FCHSD1: variants seen among roughly 807,000 people sequenced by gnomAD.
FCHSD1 encodes FCH and double SH3 domains 1.
FCHSD1 carries 109 observed loss-of-function variants against 101.3 expected under a neutral mutation model. The observed-to-expected ratio is 1.08, with a 90% CI of 0.92 to 1.26. The LOEUF (loss-of-function observed/expected upper bound fraction) is 1.26. Among genes scored for constraint, FCHSD1 ranks in the 50% most tolerant of loss-of-function variants. FCHSD1 has a pLI of 0.00. For synonymous variants in FCHSD1, 291 were observed against 356.8 expected (o/e 0.82, Z 2.08); for missense variants, 820 against 895.8 (o/e 0.92, Z 1.08).
Position 141,646,656 on chromosome 5 carries a change from G to A in FCHSD1, c.991C>T (p.Arg331Cys), listed in dbSNP as rs372866853. The A allele has an allele frequency of 5.3e-5, 86 of 1,613,066 alleles. No homozygotes were observed. The highest frequency in any genetic ancestry group is 5.0e-4 in the Middle Eastern group (3 of 6,050). ...TCACGGGCAGCTCGGCTGGTCAAGC[G>A]CTGAACCTCTTTCTCCAGGCCACTC... ...GKSGLEKEVQ[R>C]LTSRAARDYK... The change falls in exon 11 of 20, where the codon CGC becomes TGC. Residue 331 changes from arginine (R) to cysteine (C), a missense_variant. Arg to Cys is a radical substitution (Grantham distance 180, BLOSUM62 -3). Transcript: ENST00000435817.
In FCHSD1 at chr5:141,643,057, G is replaced by A; in HGVS notation, c.1895C>T (p.Ser632Phe). 2 of 1,531,698 alleles carry A rather than the reference G, an allele frequency of 1.3e-6. No homozygotes were observed. Among genetic ancestry groups the A allele is most frequent in the Admixed American group, 2.2e-5 (1 of 46,432 alleles). 94.9% of individuals were successfully genotyped at this position (1,531,698 alleles called of 1,614,324 possible). The change falls in exon 18 of 20, where the codon TCC (serine) becomes TTC (phenylalanine). Residue 632 changes from serine (S) to phenylalanine (F), a missense_variant. By Grantham distance (155) the Ser-to-Phe change is radical. Coordinates refer to ENST00000435817, the MANE Select transcript of FCHSD1 (RefSeq NM_033449.3). ...CAACACAGAGGTAGGTGCAGGTGGG[G>A]AGAAGCTGGGAGGAGAAGGGGACGG... ...MLPSPSPPSF[S>F]PPAPTSVLDG...
Position 141,647,467 on chromosome 5 carries a change from G to A in FCHSD1, c.759C>T (p.Ser253=), listed in dbSNP as rs200376159. The change falls in exon 9 of 20, where the codon AGC becomes AGT. Residue 253 remains serine, a synonymous_variant. Coordinates refer to ENST00000435817, the MANE Select transcript of FCHSD1 (RefSeq NM_033449.3). ...CCTCTGCGGCTTCCAGCTCAGTGTGGCTCAGGGAGGTCAGGGGGTCCCTCA... is the reference window on the plus strand; with the variant it reads ...CCTCTGCGGCTTCCAGCTCAGTGTGACTCAGGGAGGTCAGGGGGTCCCTCA... ...EHLRDPLTSL[S]HTELEAAEVI... 1.3e-4 allele frequency: 214 copies of A among 1,612,314 alleles called. 1 individual carries two copies. The highest frequency in any genetic ancestry group is 8.4e-5 in the Admixed American group (5 of 59,586).
chr5:141,644,051 C>T (rs938463841), intron 17 of FCHSD1, among the ~76,000 whole-genome samples, 167 bp downstream of exon 17: 1 of 152,172 alleles, frequency 6.6e-6, no homozygotes, highest in African/African-American at 2.4e-5. Flanking sequence ...TGAAGGCTGC[C>T]TTGGTTTCCC....
rs1426519901 is a variant in FCHSD1 at position 141,639,541 on chromosome 5, G to C, written c.*1957C>G. On this transcript the variant is annotated 3_prime_UTR_variant, in exon 20 of 20. Transcript: ENST00000435817. The surrounding 1 kb of genome is among the most constrained non-coding windows in gnomAD (Gnocchi z 4.4). Reference sequence around the variant, plus strand: ...GTGCACCTGGGCTCTGCAGCCCCTTGCCTCCATTGCAGCCGCAGCAAGAGG... The same window carrying C: ...GTGCACCTGGGCTCTGCAGCCCCTTCCCTCCATTGCAGCCGCAGCAAGAGG... 1 of 1,614,010 alleles carries C rather than the reference G, an allele frequency of 6.2e-7. No homozygotes were observed. Among genetic ancestry groups the C allele is most frequent in the East Asian group, 2.2e-5 (1 of 44,876 alleles).
Position 141,647,169 on chromosome 5 carries a change from G to T in FCHSD1, c.890C>A (p.Pro297Gln), listed in dbSNP as rs201297893. The T allele has an allele frequency of 2.0e-5, 33 of 1,609,806 alleles. No homozygotes were observed. In the African/African-American group the frequency reaches 2.7e-4, roughly 13 times the overall value. ...LQEPGVFSPT[P>Q]PQQFQPAGTD... ...CCCTGCTGGCTGAAACTGCTGAGGT[G>T]GGGTGGGGGAAAATACACCAGGCTC... The change falls in exon 10 of 20, where the codon CCA becomes CAA. Residue 297 changes from proline to glutamine, a missense_variant. Physicochemically the swap from Pro to Gln is moderately conservative, Grantham distance 76 (BLOSUM62 -1). Transcript: ENST00000435817.
intron 7 of FCHSD1, 88 bp from the exon 8 acceptor site, chr5:141,648,184 C>G: frequency 6.8e-7 from 1 of 1,473,160 alleles, no homozygotes; most frequent in Non-Finnish European, 9.1e-7. Context: ...AGAATGGATT[C>G]TCACATTATT....
rs556350876 is a variant in FCHSD1 at position 141,649,472 on chromosome 5, G to A, written c.298C>T (p.Arg100Ter). The A allele has an allele frequency of 5.6e-6, 9 of 1,613,712 alleles. No individual in the cohort carries two copies. Among genetic ancestry groups the A allele is most frequent in the East Asian group, 4.5e-5 (2 of 44,892 alleles). ...CGGTATCGGTCAGACGCCTGGAGTC[G>A]GGTTTGGCCCCCAGCCACGGTGGCA... Reference protein sequence around the residue: ...LDATVAGGQTRLQASDRYRDL... With the variant: ...LDATVAGGQT Residue 100 changes from arginine (R) to a stop codon, truncating the protein, a stop_gained, in exon 5 of 20, where the codon CGA becomes TGA. Coordinates refer to ENST00000435817, the MANE Select transcript of FCHSD1 (RefSeq NM_033449.3). LOFTEE classifies it high-confidence loss of function. This position sits in a 1 kb window ranked among gnomAD's most constrained non-coding sequence, Gnocchi z 4.1.
chr5:141,645,161 A>G lies in FCHSD1; in HGVS notation c.1312-13T>C, dbSNP rs769018125. 1 of 1,527,258 alleles carries G rather than the reference A, an allele frequency of 6.5e-7. No individual in the cohort carries two copies. The highest frequency in any genetic ancestry group is 1.3e-5 in the South Asian group (1 of 76,484). The allele number at this position is 1,527,258 out of a possible 1,614,324, so 94.6% of individuals were successfully genotyped here. A position where few individuals can be genotyped will look rare whatever the true frequency, so the allele number is the denominator to read the frequency against. On this transcript the variant is annotated splice_polypyrimidine_tract_variant and intron_variant, in intron 13 of 19. Coordinates refer to ENST00000435817, the MANE Select transcript of FCHSD1 (RefSeq NM_033449.3). ...CAGCATCCTCAGCCTAGAGGGGCAAAGAACAGACCTCATATGGGGCCCACT... is the reference window on the plus strand; with the variant it reads ...CAGCATCCTCAGCCTAGAGGGGCAAGGAACAGACCTCATATGGGGCCCACT...
rs773444868 is a variant in FCHSD1, at chr5:141,640,687, G to T, written c.*811C>A. The T allele has an allele frequency of 6.5e-7, 1 of 1,535,302 alleles. No individual in the cohort carries two copies. Among genetic ancestry groups the T allele is most frequent in the South Asian group, 1.2e-5 (1 of 83,876 alleles). On this transcript the variant is annotated 3_prime_UTR_variant, in exon 20 of 20. Transcript: ENST00000435817. ...TTCTCCAAGTCTCCTTCATTGTGCT[G>T]ATGGACTACCAGCTGGCAGGGCCAG...
rs1248714924 is a variant in FCHSD1, at chr5:141,649,562, G to A, written c.234-26C>T. ...CTCCCCAGAGAAGGTCTGTGTTGAG[G>A]AGGAGAGCACTCCACAGCTTCATGA... On this transcript the variant is annotated intron_variant, in intron 4 of 19. Coordinates refer to ENST00000435817, the MANE Select transcript of FCHSD1 (RefSeq NM_033449.3). This position sits in a 1 kb window ranked among gnomAD's most constrained non-coding sequence, Gnocchi z 4.1. The A allele has an allele frequency of 6.2e-7, 1 of 1,603,900 alleles. No individual in the cohort carries two copies. The highest frequency in any genetic ancestry group is 1.3e-5 in the African/African-American group (1 of 74,916).
chr5:141,642,101 G>A (rs2099906987), intron 18 of FCHSD1: 1 of 513,372 alleles, frequency 1.9e-6, no homozygotes. Context: ...TAACTCCAGG[G>A]AGGGAGACTC....
chr5:141,640,219 G>A lies in FCHSD1; in HGVS notation c.*1279C>T, dbSNP rs532286514. On this transcript the variant is annotated 3_prime_UTR_variant, in exon 20 of 20. Transcript: ENST00000435817. ...GCAGAGCCAACACTGAGGGCCGGAG[G>A]GAGGGGCCCAAGCCCAGGGCTGCCC... The A allele has an allele frequency of 6.2e-7, 1 of 1,614,190 alleles. No individual in the cohort carries two copies. Among genetic ancestry groups the A allele is most frequent in the Admixed American group, 1.7e-5 (1 of 60,026 alleles).
At chr5:141,641,593 A>C in intron 19 of FCHSD1, 30 bp from the exon 20 acceptor site, 1 of 1,588,892 alleles carries the variant, frequency 6.3e-7, no homozygotes, top group Non-Finnish European at 8.6e-7. Flanking sequence ...AGTGCTCCAG[A>C]GTTCTCCCTT....
chr5:141,650,530 A>G (rs1390199060), intron 2 of FCHSD1, 126 bp from the exon 3 acceptor site: 1 of 1,040,080 alleles, frequency 9.6e-7, no homozygotes, highest in Non-Finnish European at 1.5e-6. Context: ...CTAGAGTGTA[A>G]CTACACCCAG....
Position 141,644,326 on chromosome 5 carries a change from G to A in FCHSD1, c.1755C>T (p.Asp585=), listed in dbSNP as rs200176870. ...CCCCAAATTCTCCCCTCCAGAAGCC[G>A]TCATCTACTCCATCTTGGGCCCGGG... ...LLPRAQDGVD[D]GFWRGEFGGR... Residue 585 remains aspartate (D), a synonymous_variant, in exon 17 of 20, where the codon GAC becomes GAT. Transcript: ENST00000435817. 5,000 of 1,613,920 alleles carry A rather than the reference G, an allele frequency of 3.1e-3. 9 individuals are homozygous for A. The highest frequency in any genetic ancestry group is 3.9e-3 in the Non-Finnish European group (4,647 of 1,179,848).
chr5:141,650,983 G>A (rs746892693), intron 2 of FCHSD1, 37 bp downstream of exon 2: 2 of 1,534,360 alleles, frequency 1.3e-6, no homozygotes, highest in South Asian at 1.2e-5. Flanking sequence ...GCACAACGAC[G>A]AAGGTGAGTG....
rs367620461 is a variant in FCHSD1 at position 141,640,351 on chromosome 5, G to A, written c.*1147C>T. 4 of 1,613,694 alleles carry A rather than the reference G, an allele frequency of 2.5e-6. No individual in the cohort carries two copies. Among genetic ancestry groups the A allele is most frequent in the African/African-American group, 1.3e-5 (1 of 74,904 alleles). ...CTGGGCTCTTATTGCTCTCTACTCTGGGGGGCACTGATAGGACCTACTCCT... is the reference window on the plus strand; with the variant it reads ...CTGGGCTCTTATTGCTCTCTACTCTAGGGGGCACTGATAGGACCTACTCCT... On this transcript the variant is annotated 3_prime_UTR_variant, in exon 20 of 20. Transcript: ENST00000435817.
chr5:141,649,033 G>A lies in FCHSD1; in HGVS notation c.513-13C>T. ...ACTTCGGTTTAGCCTGTGCAGATGA[G>A]AGAAAGGAGTCAGGCCCACCCCAAG... On this transcript the variant is annotated splice_polypyrimidine_tract_variant and intron_variant, in intron 6 of 19. Coordinates refer to ENST00000435817, the MANE Select transcript of FCHSD1 (RefSeq NM_033449.3). The surrounding 1 kb of genome is among the most constrained non-coding windows in gnomAD (Gnocchi z 4.1). 6.2e-7 allele frequency: 1 copy of A among 1,613,984 alleles called. No homozygotes were observed. Among genetic ancestry groups the A allele is most frequent in the South Asian group, 1.1e-5 (1 of 91,082 alleles).
chr5:141,640,823 G>T lies in FCHSD1; in HGVS notation c.*675C>A. The T allele has an allele frequency of 1.4e-6, 1 of 720,656 alleles. No individual in the cohort carries two copies. Among genetic ancestry groups the T allele is most frequent in the South Asian group, 1.9e-5 (1 of 52,638 alleles). The allele number at this position is 720,656 out of a possible 1,614,324, so 44.6% of individuals were successfully genotyped here. A position where few individuals can be genotyped will look rare whatever the true frequency, so the allele number is the denominator to read the frequency against. The stretch of plus-strand genomic sequence containing the variant: ...GCACAGTCTCAGGCTGGGGGCCTCA[G>T]GAGAGGTCACAGCCCCTCAGTCTCT... On this transcript the variant is annotated 3_prime_UTR_variant, in exon 20 of 20. Transcript: ENST00000435817.
Sources: allele counts gnomAD v4.1 joint callset (sites outside exome capture counted in the v4.1 genomes callset), GRCh38; gene constraint gnomAD v4.1.1; non-coding constraint Gnocchi (gnomAD v3.1); transcripts MANE v1.5; gene names NCBI Gene and HGNC (gene_info 2026-07-23, HGNC 2026-07-21).